Variants in AUH observed in about 807,000 individuals in gnomAD.
AUH encodes the protein AU RNA binding methylglutaconyl-CoA hydratase.
AUH carries 29 observed loss-of-function variants against 42.3 expected under a neutral mutation model. The observed-to-expected ratio is 0.69, with a 90% CI of 0.51 to 0.93. The LOEUF (loss-of-function observed/expected upper bound fraction) is 0.93. Among genes scored for constraint, AUH ranks in the 40% least tolerant of loss-of-function variants. The probability of loss-of-function intolerance (pLI) is 0.00; values close to 1 mark genes in which losing one functional copy is unlikely to be tolerated. For synonymous variants in AUH, 174 were observed against 166.4 expected (o/e 1.05, Z -0.35); for missense variants, 452 against 438.1 (o/e 1.03, Z -0.28).
At chr9:91,227,830 G>T (rs1226093118) in intron 6 of AUH, among the ~76,000 whole-genome samples, 1 of 152,016 alleles carries the variant, frequency 6.6e-6, no homozygotes, top group Non-Finnish European at 1.5e-5. Context: ...TTTGTCTTTG[G>T]CTCTGTTTAT....
intron 6 of AUH, among the ~76,000 whole-genome samples, chr9:91,291,922 C>CA (rs10592483): frequency 1.1e-3 from 96 of 87,338 alleles, no homozygotes; most frequent in Middle Eastern, 5.5e-3. Context: ...GACTCCGTGT[C>CA]AAAAAAAAAA....
intron 3 of AUH, chr9:91,343,320 CAGAG>C (rs1303247084): frequency 6.6e-6 from 1 of 151,228 alleles, no homozygotes; most frequent in Non-Finnish European, 1.5e-5. Flanking sequence ...CCGAGGCAAA[CAGAG>C]AGAAGAAAAT....
chr9:91,219,961 G>A (rs1288931191), intron 7 of AUH, among the ~76,000 whole-genome samples: 1 of 152,184 alleles, frequency 6.6e-6, no homozygotes, highest in Non-Finnish European at 1.5e-5. Flanking sequence ...CTGAGTTAGA[G>A]AGAAAAATTA....
At chr9:91,232,585 C>T (rs746315686) in intron 6 of AUH, among the ~76,000 whole-genome samples, 16 of 152,176 alleles carry the variant, frequency 1.1e-4, no homozygotes, top group Non-Finnish European at 5.9e-5. Context: ...TTTCGTGTAC[C>T]TACATGACGC....
At chr9:91,281,218 TTC>T (rs1365896906) in intron 6 of AUH, among the ~76,000 whole-genome samples, 1 of 152,254 alleles carries the variant, frequency 6.6e-6, no homozygotes, top group Non-Finnish European at 1.5e-5. Context: ...CAATGATTTT[TTC>T]TCTGTTGTTC....
chr9:91,322,927 G>A (rs986059373), intron 4 of AUH, among the ~76,000 whole-genome samples: 4 of 152,176 alleles, frequency 2.6e-5, no homozygotes, highest in South Asian at 2.1e-4. Flanking sequence ...TAAGGCAAAC[G>A]CTAACATACA....
chr9:91,357,060 G>A (rs1301094028), intron 1 of AUH, among the ~76,000 whole-genome samples: 1 of 152,196 alleles, frequency 6.6e-6, no homozygotes, highest in Non-Finnish European at 1.5e-5. Context: ...GTATAAAGAT[G>A]AACTTCTGCT....
chr9:91,322,543 A>T (rs1464916562), intron 4 of AUH, among the ~76,000 whole-genome samples: 1 of 152,250 alleles, frequency 6.6e-6, no homozygotes, highest in Non-Finnish European at 1.5e-5. Context: ...TTTAAATTTT[A>T]ATTCTAAGAA....
At chr9:91,265,942 CT>C (rs896228661) in intron 6 of AUH, among the ~76,000 whole-genome samples, 14 of 151,538 alleles carry the variant, frequency 9.2e-5, no homozygotes, top group South Asian at 8.4e-4. Context: ...GTAATTATAC[CT>C]TTTTTTTTCT....
chr9:91,322,654 T>C (rs1282637859), intron 4 of AUH, among the ~76,000 whole-genome samples: 1 of 152,212 alleles, frequency 6.6e-6, no homozygotes, highest in Admixed American at 6.5e-5. Flanking sequence ...GTATATAGCA[T>C]AGAAAAACAT....
intron 6 of AUH, among the ~76,000 whole-genome samples, chr9:91,240,634 G>T (rs1282307067): frequency 6.6e-6 from 1 of 151,986 alleles, no homozygotes; most frequent in East Asian, 1.9e-4. Context: ...CACTTGAAAT[G>T]TGACTAGTAT....
At chr9:91,354,177 AAAC>A (rs967824269) in intron 3 of AUH, among the ~76,000 whole-genome samples, 2 of 152,282 alleles carry the variant, frequency 1.3e-5, no homozygotes, top group Admixed American at 1.3e-4. Flanking sequence ...TCAAAAAAAA[AAAC>A]AAGAAAGGAA....
rs942479580 is a variant in AUH, at chr9:91,213,949, A to G, written c.*399T>C. On this transcript the variant is annotated 3_prime_UTR_variant, in exon 10 of 10. Transcript: ENST00000375731. Reference sequence around the variant, plus strand: ...TAATCACTTAGAAACTTTATTTGGTATAACTTCACATTTTTGGTATATAGA... The same window carrying G: ...TAATCACTTAGAAACTTTATTTGGTGTAACTTCACATTTTTGGTATATAGA... 2.9e-5 allele frequency: 5 copies of G among 172,310 alleles called. No homozygotes were observed. The highest frequency in any genetic ancestry group is 5.0e-5 in the Non-Finnish European group (4 of 79,346). 10.7% of individuals were successfully genotyped at this position (172,310 alleles called of 1,614,324 possible). A position where few individuals can be genotyped will look rare whatever the true frequency, so the allele number is the denominator to read the frequency against.
At chr9:91,222,062 C>T (rs1827164700) in intron 6 of AUH, among the ~76,000 whole-genome samples, 2 of 152,234 alleles carry the variant, frequency 1.3e-5, no homozygotes, top group African/African-American at 2.4e-5. Context: ...ACCATCTACA[C>T]AAGTTCACTG....
chr9:91,308,937 C>T (rs774881585), intron 4 of AUH, among the ~76,000 whole-genome samples: 3 of 151,690 alleles, frequency 2.0e-5, no homozygotes, highest in Non-Finnish European at 4.4e-5. Flanking sequence ...ATTACAGGTG[C>T]CTACCATCAT....
intron 6 of AUH, among the ~76,000 whole-genome samples, chr9:91,266,233 A>G (rs7866204): frequency 0.22 from 32,677 of 151,784 alleles, 3,717 homozygotes; most frequent in East Asian, 0.34. Flanking sequence ...GTGGTGGCAG[A>G]CGCCTGTAAT....
chr9:91,250,014 A>G (rs1279365539), intron 6 of AUH, among the ~76,000 whole-genome samples: 1 of 78,204 alleles, frequency 1.3e-5, no homozygotes, highest in Non-Finnish European at 2.3e-5. Flanking sequence ...CCGTCTCAAG[A>G]AAAAAAAAAA....
At chr9:91,271,106 G>T (rs1432260500) in intron 6 of AUH, among the ~76,000 whole-genome samples, 1 of 152,172 alleles carries the variant, frequency 6.6e-6, no homozygotes, top group Non-Finnish European at 1.5e-5. Flanking sequence ...CAAATGGTCA[G>T]TGTTACAAAT....
At chr9:91,227,146 ATGG>A (rs1827549603) in intron 6 of AUH, among the ~76,000 whole-genome samples, 1 of 150,594 alleles carries the variant, frequency 6.6e-6, no homozygotes, top group African/African-American at 2.4e-5. Context: ...CTTGGGCAGT[ATGG>A]CCATTTTCAC....
Sources: allele counts gnomAD v4.1 joint callset (sites outside exome capture counted in the v4.1 genomes callset), GRCh38; gene constraint gnomAD v4.1.1; transcripts MANE v1.5; gene names NCBI Gene and HGNC (gene_info 2026-07-23, HGNC 2026-07-21).